Variants in NQO2 observed in about 807,000 individuals in gnomAD.
The protein encoded by NQO2 is ribosyldihydronicotinamide dehydrogenase [quinone].
Under a neutral mutation model 22.0 loss-of-function variants are expected in NQO2, and 18 were observed. That is an observed-to-expected ratio of 0.82 (90% CI 0.56 to 1.21). The LOEUF is 1.21. Among genes scored for constraint, NQO2 ranks in the 50% most tolerant of loss-of-function variants. The pLI is 0.00. For missense variants in NQO2, 267 were observed against 286.9 expected, an observed-to-expected ratio of 0.93 and a Z score of 0.50; for synonymous variants, 106 against 110.8, an observed-to-expected ratio of 0.96 and a Z score of 0.28.
intron 5 of NQO2, chr6:3,016,643 C>T: frequency 1.0e-5 from 6 of 594,644 alleles, no homozygotes; most frequent in Non-Finnish European, 1.3e-5. Context: ...ACCAGGTTTC[C>T]ACCAGCAACC....
At chr6:3,015,176 G>A in intron 4 of NQO2, 1 of 1,320,848 alleles carries the variant, frequency 7.6e-7, no homozygotes, top group Non-Finnish European at 9.9e-7. Flanking sequence ...AGGCGAAGGG[G>A]CATGCTTTTC....
At position 3,019,720 on chromosome 6, in the gene NQO2, A is replaced by G; in HGVS notation, c.*65A>G. On this transcript the variant is annotated 3_prime_UTR_variant, in exon 7 of 7. Transcript: ENST00000380455. ...AGGCCCAGGCGCAGGCAAAGAGAAGATGGTGCTGTCATGAAATAAAATTAC... is the reference window on the plus strand; with the variant it reads ...AGGCCCAGGCGCAGGCAAAGAGAAGGTGGTGCTGTCATGAAATAAAATTAC... 2 of 1,365,604 alleles carry G rather than the reference A, an allele frequency of 1.5e-6. No homozygotes were observed. The highest frequency in any genetic ancestry group is 2.0e-6 in the Non-Finnish European group (2 of 1,012,984). The allele number at this position is 1,365,604 out of a possible 1,614,324, so 84.6% of individuals were successfully genotyped here.
intron 4 of NQO2, 108 bp downstream of exon 4, chr6:3,012,782 C>T (rs1167316782): frequency 2.1e-5 from 23 of 1,085,732 alleles, no homozygotes; most frequent in Non-Finnish European, 2.9e-5. Flanking sequence ...ATGTTTTGAG[C>T]ACAGTTGCAC....
At chr6:3,015,876 A>G (rs905192148) in intron 5 of NQO2, among the ~76,000 whole-genome samples, 2 of 152,208 alleles carry the variant, frequency 1.3e-5, no homozygotes, top group Non-Finnish European at 2.9e-5. Flanking sequence ...TACTACACGC[A>G]TGGCAAACAA....
At chr6:3,011,416 A>G (rs1282766169) in intron 3 of NQO2, among the ~76,000 whole-genome samples, 1 of 152,214 alleles carries the variant, frequency 6.6e-6, no homozygotes, top group Non-Finnish European at 1.5e-5. Flanking sequence ...GAGGAGAAAA[A>G]AGAAAAAGGT....
intron 4 of NQO2, chr6:3,015,281 A>G (rs1249968638): frequency 3.2e-5 from 46 of 1,446,256 alleles, no homozygotes; most frequent in Non-Finnish European, 4.2e-5. Context: ...GCCCAGGGCC[A>G]GCATCAGGGG....
chr6:3,006,647 C>T lies in NQO2; in HGVS notation c.7+88C>T. 1.5e-6 allele frequency: 2 copies of T among 1,338,230 alleles called. No individual in the cohort carries two copies. The highest frequency in any genetic ancestry group is 3.0e-5 in the African/African-American group (2 of 67,254). 82.9% of individuals were successfully genotyped at this position (1,338,230 alleles called of 1,614,324 possible). ...CCCAGGCTGGTCTCAAACTCCTGAG[C>T]TCAAGTGACCCTCCCACATTGACCT... On this transcript the variant is annotated intron_variant, in intron 2 of 6. Coordinates refer to ENST00000380455, the MANE Select transcript of NQO2 (RefSeq NM_000904.6). This position sits in a 1 kb window ranked among gnomAD's most constrained non-coding sequence, Gnocchi z 4.0.
Position 3,019,548 on chromosome 6 carries a change from TC to T in NQO2, c.591del (p.Glu198LysfsTer61), listed in dbSNP as rs1374215011. The T allele has an allele frequency of 6.2e-7, 1 of 1,614,002 alleles. No homozygotes were observed. Among genetic ancestry groups the T allele is most frequent in the African/African-American group, 1.3e-5 (1 of 74,898 alleles). ...GATCAGCTTTGCTCCTGAAATTGCA[TC>T]CGAAGAAGAAAGAAAGGGGATGGTG... is the stretch of plus-strand genomic sequence containing the variant. ...PQISFAPEIA[S>X]EEERKGMVAA... On this transcript the variant is annotated frameshift_variant, in exon 7 of 7. Coordinates refer to ENST00000380455, the MANE Select transcript of NQO2 (RefSeq NM_000904.6). LOFTEE classifies it low-confidence loss of function (END_TRUNC).
intron 5 of NQO2, among the ~76,000 whole-genome samples, chr6:3,016,579 C>A (rs1461265034): frequency 6.6e-6 from 1 of 152,130 alleles, no homozygotes; most frequent in Non-Finnish European, 1.5e-5. Context: ...GTGCTGGGAA[C>A]CTTGTCCTGT....
In NQO2 at chr6:3,010,046, A is replaced by G. The variant is rs199823744; in HGVS notation, c.29A>G (p.Tyr10Cys). MAGKKVLIV[Y>C]AHQEPKSFNG... ...TTAGGTAAGAAAGTACTCATTGTCT[A>G]TGCACACCAGGAACCCAAGTCTTTC... The change falls in exon 3 of 7, where the codon TAT becomes TGT. Residue 10 changes from tyrosine to cysteine, a missense_variant. Tyr to Cys is a radical substitution (Grantham distance 194). Transcript: ENST00000380455. 28 of 1,613,800 alleles carry G rather than the reference A, an allele frequency of 1.7e-5. No individual in the cohort carries two copies. The African/African-American group carries it at 2.0e-4, about 12-fold the overall frequency.
chr6:3,004,468 G>A (rs1756864983), intron 1 of NQO2: 1 of 986,192 alleles, frequency 1.0e-6, no homozygotes, highest in Non-Finnish European at 1.2e-6. Flanking sequence ...CCACAATGAT[G>A]TAGCCTCTTT....
In NQO2 at chr6:3,019,652, A is replaced by G. The variant is rs1289824220; in HGVS notation, c.693A>G (p.Gln231=). The change falls in exon 7 of 7, where the codon CAA becomes CAG. Residue 231 remains glutamine (Q), a synonymous_variant. Coordinates refer to ENST00000380455, the MANE Select transcript of NQO2 (RefSeq NM_000904.6). ...GCACAGCCCACTGGCACTTCGGGCA[A>G]TAACTCTGTGGCACGTGGGCATCAC... is the stretch of plus-strand genomic sequence containing the variant. ...IPCTAHWHFG[Q] is the part of the protein sequence containing the mutation. 5 of 1,604,286 alleles carry G rather than the reference A, an allele frequency of 3.1e-6. No individual in the cohort carries two copies. The African/African-American group carries it at 4.0e-5, about 13-fold the overall frequency.
intron 3 of NQO2, 172 bp from the exon 4 acceptor site, chr6:3,012,372 C>T: frequency 1.0e-6 from 1 of 985,278 alleles, no homozygotes; most frequent in Non-Finnish European, 1.2e-6. Flanking sequence ...AGCAGCCCTC[C>T]CAGACTGCTT....
At chr6:3,005,702 G>C in intron 1 of NQO2, 2 of 985,422 alleles carry the variant, frequency 2.0e-6, no homozygotes, top group South Asian at 9.4e-5. Flanking sequence ...AGATGGCCAG[G>C]AGGGGGTGAG....
chr6:3,018,282 G>A (rs1757407577), intron 6 of NQO2, among the ~76,000 whole-genome samples: 2 of 152,208 alleles, frequency 1.3e-5, no homozygotes, highest in South Asian at 4.1e-4. Flanking sequence ...TGAGGCAGTG[G>A]ATCACCTGAG....
At chr6:3,012,980 G>T (rs1325205602) in intron 4 of NQO2, among the ~76,000 whole-genome samples, 1 of 43,262 alleles carries the variant, frequency 2.3e-5, no homozygotes. Flanking sequence ...TTTTGAGACG[G>T]AGTCTCGCTC....
rs145712315 is a variant in NQO2 at position 3,010,116 on chromosome 6, G to A, written c.99G>A (p.Gln33=). The A allele has an allele frequency of 4.2e-5, 68 of 1,614,016 alleles. No individual in the cohort carries two copies. In the African/African-American group the frequency reaches 5.6e-4, roughly 13 times the overall value. Residue 33 remains glutamine, a synonymous_variant, in exon 3 of 7, where the codon CAG becomes CAA. Coordinates refer to ENST00000380455, the MANE Select transcript of NQO2 (RefSeq NM_000904.6). ...KNVAVDELSR[Q]GCTVTVSDLY... ...TGGCTGTAGATGAACTGAGCAGGCA[G>A]GGCTGCACCGTCACAGTGTCTGATT... is the stretch of plus-strand genomic sequence containing the variant.
intron 4 of NQO2, 67 bp from the exon 5 acceptor site, chr6:3,015,463 A>G: frequency 6.4e-7 from 1 of 1,570,798 alleles, no homozygotes; most frequent in South Asian, 1.2e-5. Flanking sequence ...GAATCACCAG[A>G]TAAACTAAAC....
Position 3,006,413 on chromosome 6 carries a change from A to G in NQO2, c.-85-55A>G. 1 of 1,505,326 alleles carries G rather than the reference A, an allele frequency of 6.6e-7. No individual in the cohort carries two copies. The allele number at this position is 1,505,326 out of a possible 1,614,324, so 93.2% of individuals were successfully genotyped here. The stretch of plus-strand genomic sequence containing the variant: ...CAGCAGTGATGCCTAGATGTGGTAC[A>G]TTCGACCTCACCTATGCCTCTCCCC... On this transcript the variant is annotated intron_variant, in intron 1 of 6. Coordinates refer to ENST00000380455, the MANE Select transcript of NQO2 (RefSeq NM_000904.6). The surrounding 1 kb of genome is among the most constrained non-coding windows in gnomAD (Gnocchi z 4.0).
Sources: allele counts gnomAD v4.1 joint callset (sites outside exome capture counted in the v4.1 genomes callset), GRCh38; gene constraint gnomAD v4.1.1; non-coding constraint Gnocchi (gnomAD v3.1); transcripts MANE v1.5; gene names NCBI Gene and HGNC (gene_info 2026-07-23, HGNC 2026-07-21).